Variants in GABRB1 observed in about 807,000 individuals in gnomAD.
The protein encoded by GABRB1 is gamma-aminobutyric acid receptor subunit beta-1.
GABRB1 carries 17 observed loss-of-function variants against 51.6 expected under a neutral mutation model. That is an observed-to-expected ratio of 0.33 (90% CI 0.23 to 0.49). The LOEUF is 0.49. GABRB1 is among the 20% of genes least tolerant of loss of function. GABRB1 has a pLI of 0.99. For missense variants in GABRB1, 410 were observed against 600.6 expected, an observed-to-expected ratio of 0.68 and a Z score of 3.32; for synonymous variants, 247 against 218.9, an observed-to-expected ratio of 1.13 and a Z score of -1.14.
intron 1 of GABRB1, among the ~76,000 whole-genome samples, chr4:47,000,156 C>T (rs1430698230): frequency 4.6e-5 from 7 of 151,974 alleles, no homozygotes; most frequent in East Asian, 1.9e-4. Context: ...ATGATAATAC[C>T]TTCAGCCAAA....
At chr4:47,077,912 A>ATTATTTATT (rs1727632536) in intron 3 of GABRB1, among the ~76,000 whole-genome samples, 1 of 134,340 alleles carries the variant, frequency 7.4e-6, no homozygotes, top group African/African-American at 2.8e-5. Context: ...TTTTATATAT[A>ATTATTTATT]TTATATATTT....
chr4:47,242,971 T>A (rs527575059), intron 4 of GABRB1, among the ~76,000 whole-genome samples: 1 of 152,228 alleles, frequency 6.6e-6, no homozygotes, highest in African/African-American at 2.4e-5. Flanking sequence ...CTTGCCTATG[T>A]CCTGAATGGT....
At chr4:47,251,325 C>T (rs1247934237) in intron 4 of GABRB1, among the ~76,000 whole-genome samples, 1 of 152,134 alleles carries the variant, frequency 6.6e-6, no homozygotes, top group South Asian at 2.1e-4. Context: ...GTCATAGATA[C>T]CAGCAACTGT....
At chr4:47,019,958 A>G (rs536289651) in intron 1 of GABRB1, among the ~76,000 whole-genome samples, 1 of 151,086 alleles carries the variant, frequency 6.6e-6, no homozygotes, top group Non-Finnish European at 1.5e-5. Context: ...GTATATGTAT[A>G]TATATTTTGT....
chr4:47,426,194 CAA>C lies in GABRB1; in HGVS notation c.*185_*186del. On this transcript the variant is annotated 3_prime_UTR_variant, in exon 9 of 9. Transcript: ENST00000295454. ...CCATGTTTACTTCAAAAAGACAAAACAAAAAAAAAATTATTTTTCCAGTCTAC... is the reference window on the plus strand; with the variant it reads ...CCATGTTTACTTCAAAAAGACAAAACAAAAAAAATTATTTTTCCAGTCTAC... 4.4e-6 allele frequency: 2 copies of C among 454,168 alleles called. No homozygotes were observed. Among genetic ancestry groups the C allele is most frequent in the African/African-American group, 2.1e-5 (1 of 48,190 alleles). The allele number at this position is 454,168 out of a possible 1,614,324, so 28.1% of individuals were successfully genotyped here. A position where few individuals can be genotyped will look rare whatever the true frequency, so the allele number is the denominator to read the frequency against.
intron 1 of GABRB1, among the ~76,000 whole-genome samples, chr4:47,015,665 A>G (rs1724721300): frequency 1.3e-5 from 2 of 152,330 alleles, no homozygotes; most frequent in South Asian, 4.1e-4. Context: ...ATTGCCAACA[A>G]TTGCTTACCA....
At chr4:47,152,240 C>T (rs1350865437) in intron 3 of GABRB1, among the ~76,000 whole-genome samples, 1 of 151,944 alleles carries the variant, frequency 6.6e-6, no homozygotes, top group African/African-American at 2.4e-5. Context: ...GATGACAGCA[C>T]TAACACACTT....
chr4:47,051,463 G>A (rs955506645), intron 3 of GABRB1, among the ~76,000 whole-genome samples: 2 of 152,152 alleles, frequency 1.3e-5, no homozygotes, highest in Non-Finnish European at 2.9e-5. Context: ...AGTAACAGAA[G>A]AACTTAAAAA....
intron 4 of GABRB1, among the ~76,000 whole-genome samples, chr4:47,293,752 C>T (rs934055010): frequency 2.0e-5 from 3 of 152,134 alleles, no homozygotes; most frequent in Non-Finnish European, 2.9e-5. Context: ...CACACACATA[C>T]AGTTATATTT....
At chr4:47,387,673 C>A (rs1482408187) in intron 5 of GABRB1, among the ~76,000 whole-genome samples, 2 of 152,208 alleles carry the variant, frequency 1.3e-5, no homozygotes, top group Non-Finnish European at 2.9e-5. Context: ...ACTTTGCTAG[C>A]CAGTCACTCC....
At chr4:47,213,778 A>G (rs1352071857) in intron 4 of GABRB1, among the ~76,000 whole-genome samples, 2 of 151,674 alleles carry the variant, frequency 1.3e-5, no homozygotes, top group African/African-American at 2.4e-5. Context: ...GGGGGCCAGT[A>G]ATAACAGATG....
At chr4:47,175,954 AAT>A (rs1718677672) in intron 4 of GABRB1, among the ~76,000 whole-genome samples, 1 of 152,168 alleles carries the variant, frequency 6.6e-6, no homozygotes, top group Admixed American at 6.5e-5. Flanking sequence ...AGAGTAGAAA[AAT>A]AAATTAATGG....
rs769038245 is a variant in GABRB1 at position 47,031,730 on chromosome 4, A to G, written c.79A>G (p.Ser27Gly). 1 of 1,611,892 alleles carries G rather than the reference A, an allele frequency of 6.2e-7. No individual in the cohort carries two copies. Among genetic ancestry groups the G allele is most frequent in the Non-Finnish European group, 8.5e-7 (1 of 1,178,182 alleles). The change falls in exon 1 of 9, where the codon AGC becomes GGC. Residue 27 changes from serine (S) to glycine (G), a missense_variant and splice_region_variant. Ser to Gly is a moderately conservative substitution (Grantham distance 56, BLOSUM62 0). This residue lies in a region of GABRB1 where 56 missense variants were observed against 54.8 expected (regional missense o/e 1.02). Transcript: ENST00000295454. ...VMITMVCCAH[S>G]TNEPSNMSYV... ...GATTACCATGGTCTGTTGTGCACAC[A>G]GGTGAGCTGCTGTTGTTGAATCTCG... is the stretch of plus-strand genomic sequence containing the variant.
intron 3 of GABRB1, among the ~76,000 whole-genome samples, chr4:47,119,441 T>C (rs967416652): frequency 6.6e-6 from 1 of 151,866 alleles, no homozygotes; most frequent in Non-Finnish European, 1.5e-5. Context: ...AAAACCTCCT[T>C]CAACCTCAGA....
rs373297643 is a variant in GABRB1 at position 47,267,720 on chromosome 4, G to A, written c.462-52407G>A. 2.0e-3 allele frequency among the ~76,000 whole-genome samples: 297 copies of A among 152,184 alleles called. 2 individuals are homozygous for A. The highest frequency in any genetic ancestry group is 6.7e-3 in the African/African-American group (279 of 41,514). ...TGAGGCAGGAGAATTGCTTGAACCCGGGAGGCGGAGGTTGCAGTGAGCTGA... is the reference window on the plus strand; with the variant it reads ...TGAGGCAGGAGAATTGCTTGAACCCAGGAGGCGGAGGTTGCAGTGAGCTGA... On this transcript the variant is annotated intron_variant, in intron 4 of 8. Coordinates refer to ENST00000295454, the MANE Select transcript of GABRB1 (RefSeq NM_000812.4).
At chr4:47,111,769 G>A (rs1715222513) in intron 3 of GABRB1, among the ~76,000 whole-genome samples, 1 of 152,026 alleles carries the variant, frequency 6.6e-6, no homozygotes, top group Admixed American at 6.6e-5. Context: ...GGAGGCTGAG[G>A]TGGGAGGATT....
chr4:47,060,620 A>T (rs532633810), intron 3 of GABRB1, among the ~76,000 whole-genome samples: 1 of 152,154 alleles, frequency 6.6e-6, no homozygotes, highest in Non-Finnish European at 1.5e-5. Context: ...TAAAAATCCA[A>T]CAGGGTCTCT....
intron 1 of GABRB1, among the ~76,000 whole-genome samples, chr4:47,004,592 T>A (rs1430781312): frequency 2.6e-5 from 4 of 152,188 alleles, no homozygotes; most frequent in African/African-American, 9.7e-5. Context: ...GGATATACTT[T>A]AGGGTTGAAT....
intron 4 of GABRB1, among the ~76,000 whole-genome samples, chr4:47,261,818 C>T (rs953194448): frequency 7.9e-5 from 12 of 152,206 alleles, no homozygotes; most frequent in African/African-American, 2.7e-4. Context: ...GTAACCAAAA[C>T]AGCATGGTAC....
Sources: allele counts gnomAD v4.1 joint callset (sites outside exome capture counted in the v4.1 genomes callset), GRCh38; gene constraint gnomAD v4.1.1; regional missense constraint gnomAD v4.1.1; transcripts MANE v1.5; gene names NCBI Gene and HGNC (gene_info 2026-07-23, HGNC 2026-07-21).